Variants in CCDC7 observed in about 807,000 individuals in gnomAD.
CCDC7 encodes the protein coiled-coil domain-containing protein 7.
A neutral mutation model predicts 196.9 loss-of-function variants in CCDC7; 183 were observed. That is an observed-to-expected ratio of 0.93 (90% CI 0.82 to 1.05). CCDC7 has a LOEUF of 1.05. CCDC7 is among the 50% of genes least tolerant of loss of function. The probability of loss-of-function intolerance (pLI) is 0.00; values close to 1 mark genes in which losing one functional copy is unlikely to be tolerated. For synonymous variants in CCDC7, 525 were observed against 484.6 expected, an observed-to-expected ratio of 1.08 and a Z score of -1.10; for missense variants, 1,540 against 1,482.2, an observed-to-expected ratio of 1.04 and a Z score of -0.64.
intron 20 of CCDC7, among the ~76,000 whole-genome samples, chr10:32,663,553 C>T (rs750447198): frequency 6.6e-6 from 1 of 152,016 alleles, no homozygotes; most frequent in Non-Finnish European, 1.5e-5. Context: ...ATAAATCCCT[C>T]TAAATCAGGT....
intron 9 of CCDC7, chr10:32,499,184 C>T (rs1011745017): frequency 2.6e-5 from 4 of 150,944 alleles, no homozygotes; most frequent in African/African-American, 9.8e-5. Flanking sequence ...TGGCCTTTTC[C>T]ATGATACATG....
intron 21 of CCDC7, among the ~76,000 whole-genome samples, chr10:32,677,048 A>G (rs1250842754): frequency 6.6e-6 from 1 of 151,506 alleles, no homozygotes; most frequent in Non-Finnish European, 1.5e-5. Flanking sequence ...AAAAATGATG[A>G]GTTCATGTCC....
At chr10:32,813,912 C>T (rs2135399890) in intron 30 of CCDC7, among the ~76,000 whole-genome samples, 1 of 152,144 alleles carries the variant, frequency 6.6e-6, no homozygotes, top group South Asian at 2.1e-4. Flanking sequence ...ATTTTCCAAT[C>T]CAGACATTTC....
intron 20 of CCDC7, among the ~76,000 whole-genome samples, chr10:32,642,975 T>G (rs1409693384): frequency 6.6e-6 from 1 of 152,250 alleles, no homozygotes; most frequent in African/African-American, 2.4e-5. Flanking sequence ...TTGAATAAAT[T>G]AAGCAGAATT....
intron 20 of CCDC7, among the ~76,000 whole-genome samples, chr10:32,663,467 A>G (rs1363506487): frequency 6.6e-6 from 1 of 152,080 alleles, no homozygotes; most frequent in Non-Finnish European, 1.5e-5. Flanking sequence ...GTATCTCTTT[A>G]CATTTATTTC....
chr10:32,776,749 A>G (rs987474307), intron 28 of CCDC7, among the ~76,000 whole-genome samples: 1 of 152,212 alleles, frequency 6.6e-6, no homozygotes, highest in Non-Finnish European at 1.5e-5. Context: ...TTTGTATTCA[A>G]TTGAATAATT....
chr10:32,593,921 T>TAC (rs1216278786), intron 18 of CCDC7, among the ~76,000 whole-genome samples: 1 of 152,214 alleles, frequency 6.6e-6, no homozygotes, highest in Non-Finnish European at 1.5e-5. Flanking sequence ...TCTCTTTTGG[T>TAC]ACCTGTACCA....
intron 20 of CCDC7, among the ~76,000 whole-genome samples, chr10:32,659,046 GAT>G (rs1206453891): frequency 6.6e-6 from 1 of 151,920 alleles, no homozygotes; most frequent in Admixed American, 6.6e-5. Context: ...GTTCTGCTCT[GAT>G]CTTCATTATT....
At chr10:32,740,219 A>T (rs559381195) in intron 28 of CCDC7, among the ~76,000 whole-genome samples, 23 of 152,172 alleles carry the variant, frequency 1.5e-4, no homozygotes, top group Non-Finnish European at 2.6e-4. Context: ...TGTATAATAA[A>T]GCCTGTGTTA....
intron 24 of CCDC7, among the ~76,000 whole-genome samples, chr10:32,702,336 G>C (rs555438683): frequency 6.6e-6 from 1 of 152,128 alleles, no homozygotes; most frequent in Non-Finnish European, 1.5e-5. Context: ...GGTTTTGAGT[G>C]ACTTTCTTAA....
chr10:32,845,393 A>G (rs2136168457), intron 34 of CCDC7, 67 bp downstream of exon 35: 2 of 1,304,396 alleles, frequency 1.5e-6, no homozygotes, highest in Non-Finnish European at 2.1e-6. Flanking sequence ...TAAATTAAGT[A>G]TAGACCTTTA....
intron 31 of CCDC7, among the ~76,000 whole-genome samples, chr10:32,821,363 G>A (rs2090151978): frequency 6.6e-6 from 1 of 152,122 alleles, no homozygotes; most frequent in South Asian, 2.1e-4. Context: ...CACTGTTGGT[G>A]GGACTGTAAA....
intron 32 of CCDC7, 130 bp downstream of exon 33, chr10:32,824,734 TATA>T: frequency 1.8e-6 from 1 of 550,244 alleles, no homozygotes; most frequent in Non-Finnish European, 3.2e-6. Context: ...AATTTCCTCC[TATA>T]ATTAGTTGAA....
At chr10:32,747,905 A>T (rs1179003428) in intron 28 of CCDC7, among the ~76,000 whole-genome samples, 1 of 152,228 alleles carries the variant, frequency 6.6e-6, no homozygotes, top group Non-Finnish European at 1.5e-5. Context: ...ATAAAGACAC[A>T]TGCATGTGCA....
chr10:32,639,802 G>A (rs1018375150), intron 20 of CCDC7, among the ~76,000 whole-genome samples: 2 of 151,760 alleles, frequency 1.3e-5, no homozygotes, highest in Admixed American at 6.6e-5. Context: ...CTAATTTTTT[G>A]TTATTTTTAG....
intron 29 of CCDC7, among the ~76,000 whole-genome samples, chr10:32,803,090 T>G (rs1025275278): frequency 6.6e-6 from 1 of 152,262 alleles, no homozygotes; most frequent in African/African-American, 2.4e-5. Context: ...GATATGATTT[T>G]GACTTTTTAA....
At chr10:32,743,904 C>T (rs988485101) in intron 28 of CCDC7, among the ~76,000 whole-genome samples, 3 of 147,904 alleles carry the variant, frequency 2.0e-5, no homozygotes, top group East Asian at 2.0e-4. Flanking sequence ...AACCAAACAC[C>T]GCATATTCTC....
chr10:32,750,971 G>C lies in CCDC7; in HGVS notation c.2905+21514G>C, dbSNP rs576076983. ...TTATATAAAGTGGCAGAGGATAAAA[G>C]GGGGTAGTGGTATAAGAAATAATTA... On this transcript the variant is annotated intron_variant, in intron 28 of 41. Transcript: ENST00000639629. Among the ~76,000 whole-genome samples the C allele has an allele frequency of 3.3e-5, 5 of 152,228 alleles. No homozygotes were observed. In the East Asian group the frequency reaches 9.6e-4, roughly 29 times the overall value.
intron 20 of CCDC7, among the ~76,000 whole-genome samples, chr10:32,657,137 G>A (rs909003157): frequency 6.6e-5 from 10 of 152,184 alleles, no homozygotes; most frequent in Admixed American, 6.5e-4. Context: ...CCATTCCCAG[G>A]TGCCTTCACA....
Sources: gnomAD v4.1 joint callset for allele counts (sites outside exome capture counted in the v4.1 genomes callset) on GRCh38, gnomAD v4.1.1 for gene constraint, MANE v1.5 for transcripts, NCBI Gene and HGNC (gene_info 2026-07-23, HGNC 2026-07-21) for gene names.